KLHL14: variants seen among roughly 807,000 people sequenced by gnomAD.
KLHL14 encodes kelch-like protein 14.
In KLHL14, 22 loss-of-function variants were observed where a neutral mutation model predicts 64.3. That is an observed-to-expected ratio of 0.34 (90% confidence interval 0.24 to 0.49). KLHL14 has a LOEUF of 0.49. Among genes scored for constraint, KLHL14 ranks in the 20% least tolerant of loss-of-function variants. The probability of loss-of-function intolerance (pLI) is 0.99; values close to 1 mark genes in which losing one functional copy is unlikely to be tolerated. For missense variants in KLHL14, 661 were observed against 789.0 expected, an observed-to-expected ratio of 0.84 and a Z score of 1.94; for synonymous variants, 322 against 333.4, an observed-to-expected ratio of 0.97 and a Z score of 0.37.
At chr18:32,693,413 C>CAGAGAGAGAGAGAGAG (rs56135629) in intron 4 of KLHL14, among the ~76,000 whole-genome samples, 76 of 97,028 alleles carry the variant, frequency 7.8e-4, no homozygotes, top group African/African-American at 3.6e-3. Flanking sequence ...CACACACACA[C>CAGAGAGAGAGAGAGAG]AGAGAGAGAG....
At chr18:32,719,456 A>T (rs1050405200) in intron 3 of KLHL14, among the ~76,000 whole-genome samples, 2 of 152,252 alleles carry the variant, frequency 1.3e-5, no homozygotes, top group Admixed American at 6.5e-5. Flanking sequence ...ATTATTAACA[A>T]CTATGAGCAT....
At chr18:32,737,766 A>T (rs574144694) in intron 3 of KLHL14, 50 of 152,246 alleles carry the variant, frequency 3.3e-4, no homozygotes, top group African/African-American at 1.1e-3. Flanking sequence ...ATTTTCCATG[A>T]CTGAACACTA....
chr18:32,745,412 T>C (rs2050219404), intron 2 of KLHL14: 1 of 152,216 alleles, frequency 6.6e-6, no homozygotes, highest in South Asian at 2.1e-4. Context: ...TGAGTGGTTT[T>C]CTCACTATTT....
At chr18:32,764,150 A>C (rs753264844) in intron 2 of KLHL14, among the ~76,000 whole-genome samples, 2 of 152,204 alleles carry the variant, frequency 1.3e-5, no homozygotes, top group African/African-American at 2.4e-5. Flanking sequence ...AACCTCAGAA[A>C]AATAGTGTGT....
chr18:32,727,632 A>G (rs942689209), intron 3 of KLHL14, among the ~76,000 whole-genome samples: 1 of 152,236 alleles, frequency 6.6e-6, no homozygotes, highest in Non-Finnish European at 1.5e-5. Context: ...AAGAATAAGG[A>G]CAAAAAAAGG....
chr18:32,724,754 G>A (rs2050098837), intron 3 of KLHL14, among the ~76,000 whole-genome samples: 1 of 152,184 alleles, frequency 6.6e-6, no homozygotes, highest in East Asian at 1.9e-4. Context: ...TGGTGGTTAA[G>A]CATCCAGATT....
intron 3 of KLHL14, among the ~76,000 whole-genome samples, chr18:32,705,396 T>A (rs143243441): frequency 6.6e-6 from 1 of 152,334 alleles, no homozygotes; most frequent in Non-Finnish European, 1.5e-5. Flanking sequence ...CTATACATTA[T>A]TATTTATCAA....
intron 1 of KLHL14, among the ~76,000 whole-genome samples, chr18:32,771,319 G>A (rs2050383292): frequency 1.3e-5 from 2 of 152,132 alleles, no homozygotes; most frequent in Admixed American, 6.5e-5. Flanking sequence ...AAAGTGCAGC[G>A]GAGCGCGGTG....
intron 4 of KLHL14, among the ~76,000 whole-genome samples, chr18:32,690,539 G>A (rs1450439389): frequency 6.6e-6 from 1 of 152,042 alleles, no homozygotes; most frequent in African/African-American, 2.4e-5. Context: ...GACCAGCCTG[G>A]CCAACATGGT....
At chr18:32,716,156 T>A (rs2050044101) in intron 3 of KLHL14, among the ~76,000 whole-genome samples, 1 of 152,218 alleles carries the variant, frequency 6.6e-6, no homozygotes, top group Admixed American at 6.5e-5. Flanking sequence ...ACTATATTTT[T>A]AAAATATAGT....
Position 32,673,694 on chromosome 18 carries a change from C to T in KLHL14, c.*963G>A, listed in dbSNP as rs548571511. On this transcript the variant is annotated 3_prime_UTR_variant, in exon 9 of 9. Coordinates refer to ENST00000359358, the MANE Select transcript of KLHL14 (RefSeq NM_020805.3). Reference sequence around the variant, plus strand: ...CTGTGTTTTAGAAACAGAAAGACAACTGGAATTCTACTTAATGGAAATTAT... The same window carrying T: ...CTGTGTTTTAGAAACAGAAAGACAATTGGAATTCTACTTAATGGAAATTAT... The T allele has an allele frequency of 6.6e-6, 1 of 152,274 alleles. No individual in the cohort carries two copies. Among genetic ancestry groups the T allele is most frequent in the South Asian group, 2.1e-4 (1 of 4,824 alleles). The allele number at this position is 152,274 out of a possible 1,614,324, so 9.4% of individuals were successfully genotyped here.
chr18:32,693,332 C>G (rs2049918058), intron 4 of KLHL14, among the ~76,000 whole-genome samples: 1 of 150,640 alleles, frequency 6.6e-6, no homozygotes. Flanking sequence ...GACACAATGA[C>G]TCAGCCTTTC....
intron 2 of KLHL14, among the ~76,000 whole-genome samples, chr18:32,765,297 T>C (rs2050336056): frequency 6.6e-6 from 1 of 152,202 alleles, no homozygotes. Flanking sequence ...TTAGCTAAGG[T>C]AATGAGTGAA....
Position 32,723,184 on chromosome 18 carries a change from C to T in KLHL14, c.1069+18744G>A, listed in dbSNP as rs75898134. On this transcript the variant is annotated intron_variant, in intron 3 of 8. Transcript: ENST00000359358. ...TAAGGTTTTAAGGAGCTTGGTTAAGCCAAACTAGATATTACATTTCCAAAG... is the reference window on the plus strand; with the variant it reads ...TAAGGTTTTAAGGAGCTTGGTTAAGTCAAACTAGATATTACATTTCCAAAG... Among the ~76,000 whole-genome samples, 404 of 152,122 alleles carry T rather than the reference C, an allele frequency of 2.7e-3. 2 individuals are homozygous for T. Among genetic ancestry groups the T allele is most frequent in the African/African-American group, 9.4e-3 (390 of 41,486 alleles).
chr18:32,716,941 TCATCTG>T (rs1161182626), intron 3 of KLHL14, among the ~76,000 whole-genome samples: 1 of 152,182 alleles, frequency 6.6e-6, no homozygotes, highest in Non-Finnish European at 1.5e-5. Context: ...CCCAATATCC[TCATCTG>T]CTAGACAGAT....
chr18:32,760,880 C>T (rs559433390), intron 2 of KLHL14, among the ~76,000 whole-genome samples: 1 of 152,268 alleles, frequency 6.6e-6, no homozygotes, highest in South Asian at 2.1e-4. Flanking sequence ...TCTAATGTTC[C>T]CACTTCCTTC....
chr18:32,760,048 C>G (rs2050305805), intron 2 of KLHL14, among the ~76,000 whole-genome samples: 1 of 152,202 alleles, frequency 6.6e-6, no homozygotes, highest in Non-Finnish European at 1.5e-5. Context: ...ACAGGATGCT[C>G]TGATGTGGTT....
chr18:32,738,308 G>C (rs1369161550), intron 3 of KLHL14: 2 of 152,190 alleles, frequency 1.3e-5, no homozygotes, highest in Non-Finnish European at 1.5e-5. Context: ...CCTGCAAAGT[G>C]CAAGAGGCAT....
intron 8 of KLHL14, 83 bp downstream of exon 8, chr18:32,677,090 G>T: frequency 1.4e-6 from 2 of 1,395,246 alleles, no homozygotes; most frequent in Non-Finnish European, 2.0e-6. Flanking sequence ...AGGTACATGT[G>T]TGGAGGATAA....
Sources: allele counts gnomAD v4.1 joint callset (sites outside exome capture counted in the v4.1 genomes callset), GRCh38; gene constraint gnomAD v4.1.1; transcripts MANE v1.5; gene names NCBI Gene and HGNC (gene_info 2026-07-23, HGNC 2026-07-21).